SEMA3E: variants seen among roughly 807,000 people sequenced by gnomAD.
SEMA3E encodes semaphorin-3E.
A neutral mutation model predicts 93.6 loss-of-function variants in SEMA3E; 49 were observed. That is an observed-to-expected ratio of 0.52 (90% CI 0.42 to 0.66). The LOEUF (loss-of-function observed/expected upper bound fraction) is 0.66. Among genes scored for constraint, SEMA3E ranks in the 30% least tolerant of loss-of-function variants. SEMA3E has a pLI of 0.00. For missense variants in SEMA3E, 906 were observed against 964.8 expected, an observed-to-expected ratio of 0.94 and a Z score of 0.81; for synonymous variants, 363 against 330.7, an observed-to-expected ratio of 1.10 and a Z score of -1.06.
intron 4 of SEMA3E, among the ~76,000 whole-genome samples, chr7:83,443,916 GATATAT>G (rs60405752): frequency 6.8e-4 from 100 of 147,370 alleles, no homozygotes; most frequent in South Asian, 8.7e-4. Flanking sequence ...ATAATGACCT[GATATAT>G]ATATATATAT....
At chr7:83,620,386 A>G (rs545241022) in intron 1 of SEMA3E, among the ~76,000 whole-genome samples, 50 of 152,126 alleles carry the variant, frequency 3.3e-4, no homozygotes, top group Admixed American at 2.3e-3. Flanking sequence ...GCCTAGGACC[A>G]GATGGATTTA....
At chr7:83,629,054 G>T (rs1793733119) in intron 1 of SEMA3E, among the ~76,000 whole-genome samples, 1 of 152,052 alleles carries the variant, frequency 6.6e-6, no homozygotes, top group Non-Finnish European at 1.5e-5. Flanking sequence ...CTCTTCTCCA[G>T]GTCTGCTGGA....
chr7:83,600,928 C>A (rs1044622080), intron 1 of SEMA3E, among the ~76,000 whole-genome samples: 7 of 152,188 alleles, frequency 4.6e-5, no homozygotes, highest in Non-Finnish European at 8.8e-5. Flanking sequence ...TATGTTATGG[C>A]AAAAGAGACC....
chr7:83,503,472 C>T (rs1584293682), intron 1 of SEMA3E, among the ~76,000 whole-genome samples: 2 of 152,062 alleles, frequency 1.3e-5, no homozygotes, highest in South Asian at 4.1e-4. Context: ...CTTACTATTA[C>T]TATTAAAGTT....
At chr7:83,442,951 G>GTGTC (rs1484289282) in intron 4 of SEMA3E, among the ~76,000 whole-genome samples, 1 of 152,184 alleles carries the variant, frequency 6.6e-6, no homozygotes, top group East Asian at 1.9e-4. Flanking sequence ...TTAGTAGCTT[G>GTGTC]TGTCGATGAA....
intron 4 of SEMA3E, among the ~76,000 whole-genome samples, chr7:83,453,928 T>C (rs1789418822): frequency 1.0e-5 from 1 of 97,324 alleles, no homozygotes; most frequent in African/African-American, 2.8e-5. Context: ...TATTTTAAAA[T>C]GGTTATCTTT....
At chr7:83,614,233 C>T (rs1793321139) in intron 1 of SEMA3E, among the ~76,000 whole-genome samples, 2 of 152,056 alleles carry the variant, frequency 1.3e-5, no homozygotes, top group Admixed American at 1.3e-4. Context: ...TTTTCACATT[C>T]TTTCTCAGTG....
chr7:83,572,813 G>A (rs1584339590), intron 1 of SEMA3E, among the ~76,000 whole-genome samples: 2 of 152,148 alleles, frequency 1.3e-5, no homozygotes, highest in South Asian at 4.1e-4. Context: ...TAGAATAACT[G>A]GCTAGCACAC....
chr7:83,489,767 C>T (rs1299638847), intron 2 of SEMA3E, among the ~76,000 whole-genome samples: 1 of 152,030 alleles, frequency 6.6e-6, no homozygotes, highest in African/African-American at 2.4e-5. Context: ...CAAGCTTGCG[C>T]TTTGGAATAA....
rs911286319 is a variant in SEMA3E, at chr7:83,413,506, C to G, written c.550+4884G>C. 2.6e-5 allele frequency among the ~76,000 whole-genome samples: 4 copies of G among 152,224 alleles called. 1 individual carries two copies. The highest frequency in any genetic ancestry group is 2.6e-4 in the Admixed American group (4 of 15,270). On this transcript the variant is annotated intron_variant, in intron 5 of 16. Transcript: ENST00000643230. ...GTGGATGGACTGTTTTGCAGAATCA[C>G]TATGACATGCATAGCTACAAAGAGA...
intron 1 of SEMA3E, among the ~76,000 whole-genome samples, chr7:83,507,648 T>C (rs1790732272): frequency 1.3e-5 from 2 of 151,738 alleles, no homozygotes; most frequent in Admixed American, 1.3e-4. Flanking sequence ...CAATTAAAAC[T>C]GATGCAGGCC....
At chr7:83,381,817 T>C (rs1354606924) in intron 16 of SEMA3E, among the ~76,000 whole-genome samples, 1 of 151,970 alleles carries the variant, frequency 6.6e-6, no homozygotes, top group African/African-American at 2.4e-5. Flanking sequence ...CCAATAGGCA[T>C]ATAGTAGAAG....
At chr7:83,505,967 A>AT (rs1298231212) in intron 1 of SEMA3E, among the ~76,000 whole-genome samples, 2 of 146,224 alleles carry the variant, frequency 1.4e-5, no homozygotes, top group Non-Finnish European at 1.5e-5. Flanking sequence ...ATGAGCTGAG[A>AT]TGGCACCACT....
At chr7:83,486,876 T>C (rs1175582645) in intron 2 of SEMA3E, among the ~76,000 whole-genome samples, 1 of 152,082 alleles carries the variant, frequency 6.6e-6, no homozygotes, top group African/African-American at 2.4e-5. Flanking sequence ...CCCCAAGTTG[T>C]ATACATTTTG....
chr7:83,490,776 G>T (rs1475806762), intron 1 of SEMA3E, among the ~76,000 whole-genome samples: 1 of 152,066 alleles, frequency 6.6e-6, no homozygotes, highest in Non-Finnish European at 1.5e-5. Context: ...TTACAGTAGG[G>T]ATCACTGATA....
At chr7:83,374,336 A>G (rs1467414417) in intron 16 of SEMA3E, among the ~76,000 whole-genome samples, 2 of 152,150 alleles carry the variant, frequency 1.3e-5, no homozygotes, top group African/African-American at 2.4e-5. Context: ...CATGTGGGGA[A>G]ACAGGAACCC....
intron 4 of SEMA3E, among the ~76,000 whole-genome samples, chr7:83,456,929 G>C (rs1789494385): frequency 6.6e-6 from 1 of 152,032 alleles, no homozygotes; most frequent in Non-Finnish European, 1.5e-5. Context: ...TCTATTTCTT[G>C]ATTAAATTAA....
At chr7:83,573,109 A>G (rs201870486) in intron 1 of SEMA3E, among the ~76,000 whole-genome samples, 48 of 117,088 alleles carry the variant, frequency 4.1e-4, no homozygotes, top group African/African-American at 1.6e-3. Flanking sequence ...CCTACAGCCT[A>G]CAGACAGCCT....
intron 8 of SEMA3E, 143 bp downstream of exon 8, chr7:83,405,802 G>T: frequency 1.4e-6 from 1 of 732,702 alleles, no homozygotes; most frequent in Admixed American, 2.3e-5. Flanking sequence ...TGCGTGCCTG[G>T]CCAAAATGAA....
Sources: allele counts gnomAD v4.1 joint callset (sites outside exome capture counted in the v4.1 genomes callset), GRCh38; gene constraint gnomAD v4.1.1; transcripts MANE v1.5; gene names NCBI Gene and HGNC (gene_info 2026-07-23, HGNC 2026-07-21).